Variants in PARVA observed in about 807,000 individuals in gnomAD.
PARVA encodes the protein parvin alpha.
Under a neutral mutation model 52.6 loss-of-function variants are expected in PARVA, and 25 were observed. The observed-to-expected ratio is 0.48, with a 90% CI of 0.35 to 0.66. PARVA has a LOEUF of 0.66. Ranked by LOEUF, PARVA falls within the 30% of genes least tolerant of loss-of-function variation. The pLI is 0.01. For missense variants in PARVA, 373 were observed against 450.9 expected, an observed-to-expected ratio of 0.83 and a Z score of 1.56; for synonymous variants, 185 against 179.1, an observed-to-expected ratio of 1.03 and a Z score of -0.26.
chr11:12,495,398 T>C (rs903231205), intron 4 of PARVA, among the ~76,000 whole-genome samples: 1 of 152,212 alleles, frequency 6.6e-6, no homozygotes, highest in African/African-American at 2.4e-5. Context: ...AGGGAAAATA[T>C]TGATACATAG....
intron 12 of PARVA, among the ~76,000 whole-genome samples, chr11:12,522,715 G>A (rs957850309): frequency 7.9e-5 from 12 of 151,810 alleles, no homozygotes; most frequent in Admixed American, 4.6e-4. Flanking sequence ...CACCCTGCCC[G>A]GCCAAGAAGC....
intron 1 of PARVA, among the ~76,000 whole-genome samples, chr11:12,411,043 G>A (rs927878821): frequency 1.3e-5 from 2 of 152,182 alleles, no homozygotes; most frequent in African/African-American, 4.8e-5. Context: ...ACTTAGCAGA[G>A]TACCTGGCCT....
chr11:12,513,089 G>A (rs946880125), intron 8 of PARVA: 12 of 686,584 alleles, frequency 1.7e-5, no homozygotes, highest in South Asian at 1.0e-4. Context: ...ACACATGCAC[G>A]GACACAGACA....
chr11:12,394,817 C>T (rs572957203), intron 1 of PARVA, among the ~76,000 whole-genome samples: 5 of 152,274 alleles, frequency 3.3e-5, no homozygotes, highest in South Asian at 2.1e-4. Context: ...ACAGGCTGGG[C>T]GTGGTGGCTC....
intron 11 of PARVA, 44 bp downstream of exon 11, chr11:12,517,755 C>T (rs1472820588): frequency 9.5e-6 from 13 of 1,362,684 alleles, no homozygotes; most frequent in Non-Finnish European, 1.2e-5. Flanking sequence ...GCCCACATCC[C>T]CTGACTCATG....
chr11:12,403,566 C>T (rs1565328632), intron 1 of PARVA, among the ~76,000 whole-genome samples: 1 of 152,202 alleles, frequency 6.6e-6, no homozygotes, highest in Non-Finnish European at 1.5e-5. Flanking sequence ...GAGAAACTGA[C>T]ATTACATTAA....
intron 4 of PARVA, among the ~76,000 whole-genome samples, chr11:12,487,227 T>C (rs1191795990): frequency 1.3e-5 from 2 of 152,212 alleles, no homozygotes; most frequent in Non-Finnish European, 1.5e-5. Context: ...CTTGAAGAGT[T>C]TGATCTTGTT....
intron 1 of PARVA, among the ~76,000 whole-genome samples, chr11:12,467,461 GC>G (rs1940867583): frequency 1.3e-5 from 2 of 152,166 alleles, no homozygotes; most frequent in Non-Finnish European, 2.9e-5. Flanking sequence ...ATTTTTAGGG[GC>G]AAAGCATCCA....
chr11:12,460,887 G>A (rs1940767742), intron 1 of PARVA, among the ~76,000 whole-genome samples: 1 of 152,184 alleles, frequency 6.6e-6, no homozygotes, highest in African/African-American at 2.4e-5. Flanking sequence ...CTTTGCTTAG[G>A]GTTCTGCTGA....
intron 1 of PARVA, among the ~76,000 whole-genome samples, chr11:12,413,998 C>G (rs959525420): frequency 3.9e-5 from 6 of 152,216 alleles, no homozygotes; most frequent in Non-Finnish European, 7.3e-5. Context: ...ATTCTCAGGA[C>G]CAGACGTGTA....
intron 4 of PARVA, among the ~76,000 whole-genome samples, chr11:12,492,564 G>C (rs965478694): frequency 6.6e-6 from 1 of 152,116 alleles, no homozygotes; most frequent in Non-Finnish European, 1.5e-5. Context: ...TATATTTTAA[G>C]GGTTGAATAC....
At chr11:12,498,795 G>C (rs977807567) in intron 5 of PARVA, among the ~76,000 whole-genome samples, 9 of 151,586 alleles carry the variant, frequency 5.9e-5, no homozygotes, top group Non-Finnish European at 1.0e-4. Context: ...TGGTCTCAAA[G>C]TCCTGACTTC....
At chr11:12,449,489 C>T (rs1940594885) in intron 1 of PARVA, among the ~76,000 whole-genome samples, 1 of 152,144 alleles carries the variant, frequency 6.6e-6, no homozygotes, top group African/African-American at 2.4e-5. Context: ...CATGAAGCAC[C>T]ATTTAAGGCT....
At chr11:12,487,114 G>C (rs1941170330) in intron 4 of PARVA, among the ~76,000 whole-genome samples, 1 of 152,186 alleles carries the variant, frequency 6.6e-6, no homozygotes, top group Non-Finnish European at 1.5e-5. Context: ...AAAGCTTGAA[G>C]AGGACCTAGA....
intron 1 of PARVA, among the ~76,000 whole-genome samples, chr11:12,434,518 G>GC (rs1940361278): frequency 6.6e-6 from 1 of 152,112 alleles, no homozygotes; most frequent in Admixed American, 6.5e-5. Flanking sequence ...GGCTGTCACA[G>GC]CCCCCAACCA....
Position 12,527,666 on chromosome 11 carries a change from G to C in PARVA, c.1043-183G>C, listed in dbSNP as rs529500379. Among the ~76,000 whole-genome samples, 639 of 152,184 alleles carry C rather than the reference G, an allele frequency of 4.2e-3. 5 individuals carry two copies. The highest frequency in any genetic ancestry group is 0.015 in the African/African-American group (612 of 41,502). Reference sequence around the variant, plus strand: ...TCAGGCCTTCTTATCTGGAGATGCTGTGCCCCAGCACCTCTACCCTCACTG... The same window carrying C: ...TCAGGCCTTCTTATCTGGAGATGCTCTGCCCCAGCACCTCTACCCTCACTG... On this transcript the variant is annotated intron_variant, in intron 12 of 12. Coordinates refer to ENST00000334956, the MANE Select transcript of PARVA (RefSeq NM_018222.5).
rs763258639 is a variant in PARVA at position 12,496,421 on chromosome 11, G to C, written c.401-37G>C. On this transcript the variant is annotated intron_variant, in intron 4 of 12. Coordinates refer to ENST00000334956, the MANE Select transcript of PARVA (RefSeq NM_018222.5). ...ATGCAGTAGGGTTGTCTGGGGCCCA[G>C]CATAACAGCTGTTCTCTTTTCCCTT... 6.3e-6 allele frequency: 10 copies of C among 1,590,320 alleles called. No individual in the cohort carries two copies. In the South Asian group the frequency reaches 9.2e-5, roughly 15 times the overall value.
intron 1 of PARVA, among the ~76,000 whole-genome samples, chr11:12,436,098 A>G (rs1278699909): frequency 6.6e-6 from 1 of 152,224 alleles, no homozygotes; most frequent in African/African-American, 2.4e-5. Flanking sequence ...CTGGGATTAC[A>G]GGTATGAGCC....
intron 1 of PARVA, among the ~76,000 whole-genome samples, chr11:12,404,672 C>T (rs559117130): frequency 7.9e-5 from 12 of 152,288 alleles, no homozygotes; most frequent in African/African-American, 2.6e-4. Context: ...GAATTTGGCC[C>T]CATTTAGGGT....
Sources: gnomAD v4.1 joint callset for allele counts (sites outside exome capture counted in the v4.1 genomes callset) on GRCh38, gnomAD v4.1.1 for gene constraint, MANE v1.5 for transcripts, NCBI Gene and HGNC (gene_info 2026-07-23, HGNC 2026-07-21) for gene names.